Variants in ZNF644 observed in about 807,000 individuals in gnomAD.
ZNF644 encodes the protein zinc finger protein 644, also known as zinc finger motif enhancer binding protein 2.
ZNF644 carries 20 observed loss-of-function variants against 108.0 expected under a neutral mutation model. That is an observed-to-expected ratio of 0.19 (90% CI 0.13 to 0.27). The LOEUF (loss-of-function observed/expected upper bound fraction) is 0.27. ZNF644 is among the 10% of genes least tolerant of loss of function. ZNF644 has a pLI of 1.00. For missense variants in ZNF644, 1,338 were observed against 1,548.9 expected (o/e 0.86, Z 2.29); for synonymous variants, 542 against 539.1 (o/e 1.01, Z -0.08).
chr1:90,955,875 G>A (rs1653701821), intron 2 of ZNF644, among the ~76,000 whole-genome samples: 1 of 152,086 alleles, frequency 6.6e-6, no homozygotes, highest in Non-Finnish European at 1.5e-5. Context: ...CTAAATGTTT[G>A]CGGCAAGAGG....
At chr1:90,970,375 T>C (rs917497731) in intron 2 of ZNF644, among the ~76,000 whole-genome samples, 1 of 152,188 alleles carries the variant, frequency 6.6e-6, no homozygotes, top group African/African-American at 2.4e-5. Context: ...GTGCTTCAGA[T>C]AAACTTGGGA....
At chr1:90,980,460 T>G (rs1439978306) in intron 2 of ZNF644, among the ~76,000 whole-genome samples, 1 of 152,162 alleles carries the variant, frequency 6.6e-6, no homozygotes, top group Admixed American at 6.5e-5. Flanking sequence ...GTTTACTACA[T>G]TTTATTCTGA....
At chr1:90,946,981 T>G (rs1439910670) in intron 2 of ZNF644, among the ~76,000 whole-genome samples, 2 of 152,034 alleles carry the variant, frequency 1.3e-5, no homozygotes, top group East Asian at 3.8e-4. Flanking sequence ...CTAACACATC[T>G]AAAGAAGCTC....
At chr1:90,930,341 T>C (rs1349836800) in intron 4 of ZNF644, among the ~76,000 whole-genome samples, 1 of 152,154 alleles carries the variant, frequency 6.6e-6, no homozygotes, top group Non-Finnish European at 1.5e-5. Flanking sequence ...CCCTCCCAAA[T>C]ATAAAAATAT....
intron 4 of ZNF644, among the ~76,000 whole-genome samples, chr1:90,934,424 T>C (rs1387191102): frequency 1.3e-5 from 2 of 152,100 alleles, no homozygotes; most frequent in Non-Finnish European, 2.9e-5. Context: ...AATAAAATGA[T>C]TGGAAAGAAT....
At chr1:90,969,924 T>C (rs1655292054) in intron 2 of ZNF644, among the ~76,000 whole-genome samples, 1 of 152,166 alleles carries the variant, frequency 6.6e-6, no homozygotes, top group South Asian at 2.1e-4. Context: ...TATGCTCAAC[T>C]TGGCAGAACA....
chr1:90,937,879 A>G lies in ZNF644; in HGVS notation c.3294T>C (p.Ser1098=). The part of the protein sequence containing the change: ...KYEKILKALN[S]RRIIPRPFVA... Reference sequence around the variant, plus strand: ...CAAATGGTCTGGGAATAATACGACGACTGTTCAATGCCTTTAAGATTTTTT... The same window carrying G: ...CAAATGGTCTGGGAATAATACGACGGCTGTTCAATGCCTTTAAGATTTTTT... The change falls in exon 4 of 6, where the codon AGT becomes AGC. Residue 1098 remains serine, a synonymous_variant. Coordinates refer to ENST00000337393, the MANE Select transcript of ZNF644 (RefSeq NM_201269.3). 6.2e-7 allele frequency: 1 copy of G among 1,613,896 alleles called. No individual in the cohort carries two copies. Among genetic ancestry groups the G allele is most frequent in the South Asian group, 1.1e-5 (1 of 91,068 alleles).
At chr1:91,020,510 A>C (rs1028274367) in intron 1 of ZNF644, 5 of 152,240 alleles carry the variant, frequency 3.3e-5, no homozygotes, top group African/African-American at 1.2e-4. Flanking sequence ...ATTAATACTA[A>C]TCAAGCTTTA....
chr1:90,977,004 G>A (rs1200832428), intron 2 of ZNF644, among the ~76,000 whole-genome samples: 3 of 151,214 alleles, frequency 2.0e-5, no homozygotes, highest in Admixed American at 6.6e-5. Context: ...TTTTCTGGTT[G>A]TAAATTTAAG....
At chr1:91,004,740 A>G (rs532812472) in intron 1 of ZNF644, among the ~76,000 whole-genome samples, 2 of 152,316 alleles carry the variant, frequency 1.3e-5, no homozygotes, top group East Asian at 3.8e-4. Context: ...AAATGTTTGT[A>G]TATTATTAAA....
At chr1:90,934,826 T>A (rs1051744913) in intron 4 of ZNF644, among the ~76,000 whole-genome samples, 3 of 152,220 alleles carry the variant, frequency 2.0e-5, no homozygotes, top group Non-Finnish European at 4.4e-5. Flanking sequence ...ATTCATTAGT[T>A]TGCTTAGTTT....
At chr1:90,933,398 T>C (rs549352) in intron 4 of ZNF644, among the ~76,000 whole-genome samples, 3 of 151,994 alleles carry the variant, frequency 2.0e-5, no homozygotes, top group Non-Finnish European at 2.9e-5. Context: ...GCGGTGGCTC[T>C]CGGCTGTAAT....
intron 2 of ZNF644, among the ~76,000 whole-genome samples, chr1:90,978,845 A>C (rs1656259464): frequency 2.6e-5 from 4 of 152,132 alleles, no homozygotes; most frequent in South Asian, 4.1e-4. Flanking sequence ...TTAAAAAAAA[A>C]AAAAAAGAAC....
chr1:91,010,702 A>C (rs574928497), intron 1 of ZNF644, among the ~76,000 whole-genome samples: 1 of 152,142 alleles, frequency 6.6e-6, no homozygotes, highest in African/African-American at 2.4e-5. Flanking sequence ...ATAGTTAAGT[A>C]CTCTTCAAGC....
chr1:90,926,264 TAG>T (rs1650023705), intron 4 of ZNF644, among the ~76,000 whole-genome samples: 1 of 152,176 alleles, frequency 6.6e-6, no homozygotes, highest in Non-Finnish European at 1.5e-5. Flanking sequence ...GATTAAATGT[TAG>T]GTCTCCAACT....
intron 1 of ZNF644, among the ~76,000 whole-genome samples, chr1:91,009,729 A>G (rs1417197705): frequency 1.3e-5 from 2 of 152,166 alleles, no homozygotes; most frequent in Non-Finnish European, 2.9e-5. Flanking sequence ...CCATTATAGC[A>G]TAACTTTATT....
intron 1 of ZNF644, among the ~76,000 whole-genome samples, chr1:90,989,555 G>C (rs1234592281): frequency 6.6e-6 from 1 of 152,010 alleles, no homozygotes; most frequent in Non-Finnish European, 1.5e-5. Context: ...AAAAAATATT[G>C]TAAGAAAGAA....
intron 4 of ZNF644, among the ~76,000 whole-genome samples, chr1:90,924,356 T>A (rs192011486): frequency 6.6e-6 from 1 of 152,270 alleles, no homozygotes; most frequent in East Asian, 1.9e-4. Context: ...GTAAGACACA[T>A]CTGAAATTAG....
chr1:90,954,590 A>G (rs1653553097), intron 2 of ZNF644, among the ~76,000 whole-genome samples: 1 of 152,158 alleles, frequency 6.6e-6, no homozygotes, highest in Admixed American at 6.5e-5. Flanking sequence ...TATTTTTAGT[A>G]CAGACAGGGT....
Sources: gnomAD v4.1 joint callset for allele counts (sites outside exome capture counted in the v4.1 genomes callset) on GRCh38, gnomAD v4.1.1 for gene constraint, MANE v1.5 for transcripts, NCBI Gene and HGNC (gene_info 2026-07-23, HGNC 2026-07-21) for gene names.